Variants in RLIG1 observed in about 807,000 individuals in gnomAD.
The protein encoded by RLIG1 is RNA 5'-phosphate and 3'-OH ligase 1, also known as RNA ligase 1.
At chr12:88,045,584 T>C in the RLIG1 span, 2 of 1,608,548 alleles carry the variant, frequency 1.2e-6, no homozygotes, top group Non-Finnish European at 1.7e-6. Flanking sequence ...TATGATAGGT[T>C]GGGTACCAGT....
chr12:88,048,543 A>G, the RLIG1 span: 3 of 665,752 alleles, frequency 4.5e-6, no homozygotes, highest in Non-Finnish European at 6.7e-6. Flanking sequence ...TTTGTGAAGA[A>G]ATGAATTTTC....
At chr12:88,035,735 T>G in the RLIG1 span, 1 of 1,596,800 alleles carries the variant, frequency 6.3e-7, no homozygotes. Flanking sequence ...AAAGGGAGCA[T>G]CAGGTACGGA....
the RLIG1 span, chr12:88,048,410 A>G: frequency 2.1e-6 from 3 of 1,405,944 alleles, no homozygotes; most frequent in South Asian, 3.8e-5. Flanking sequence ...AAGATATAAT[A>G]TTTGATGTAT....
chr12:88,042,234 G>A, the RLIG1 span: 1 of 152,118 alleles, frequency 6.6e-6, no homozygotes. Context: ...TGCTGGTCAC[G>A]TAGGTAGGCA....
At chr12:88,043,749 T>C in the RLIG1 span, 1 of 1,425,058 alleles carries the variant, frequency 7.0e-7, no homozygotes, top group Non-Finnish European at 9.8e-7. Flanking sequence ...CAGTTTTGTG[T>C]TTACTAGTAA....
chr12:88,037,511 C>T, the RLIG1 span, among the ~76,000 whole-genome samples: 4 of 152,046 alleles, frequency 2.6e-5, no homozygotes, highest in Middle Eastern at 3.2e-3. Flanking sequence ...GTAATCTTCC[C>T]CCCCACATAG....
At chr12:88,043,501 T>C in the RLIG1 span, 1 of 669,034 alleles carries the variant, frequency 1.5e-6, no homozygotes, top group Non-Finnish European at 2.5e-6. Context: ...CACCTGATAT[T>C]ATGAGGTTTT....
the RLIG1 span, chr12:88,035,569 C>T: frequency 7.0e-6 from 10 of 1,434,176 alleles, no homozygotes; most frequent in Non-Finnish European, 9.6e-6. Flanking sequence ...GTGCGGGTGA[C>T]TGCTTCAGGG....
the RLIG1 span, chr12:88,040,115 C>G: frequency 8.7e-6 from 11 of 1,269,890 alleles, no homozygotes; most frequent in South Asian, 1.2e-5. Flanking sequence ...GGCTATCTAT[C>G]TTAAACCGGT....
the RLIG1 span, chr12:88,049,074 A>G: frequency 3.4e-6 from 2 of 583,588 alleles, no homozygotes; most frequent in African/African-American, 2.0e-5. Flanking sequence ...GTATAAAGGT[A>G]CAAGGTAGTG....
the RLIG1 span, chr12:88,045,463 C>T: frequency 1.4e-6 from 1 of 700,810 alleles, no homozygotes. Context: ...AAAGTAATAT[C>T]TCTTTGCGAT....
the RLIG1 span, among the ~76,000 whole-genome samples, chr12:88,043,360 T>C: frequency 2.0e-5 from 3 of 152,262 alleles, no homozygotes; most frequent in South Asian, 2.1e-4. Flanking sequence ...TAATGGAATA[T>C]GATTACTTTA....
chr12:88,043,023 A>G, the RLIG1 span: 15 of 534,274 alleles, frequency 2.8e-5, no homozygotes, highest in Non-Finnish European at 4.6e-5. Context: ...AATTTAAGCA[A>G]TTTAGGAAAA....
the RLIG1 span, among the ~76,000 whole-genome samples, chr12:88,038,044 CA>C: frequency 1.3e-5 from 2 of 151,870 alleles, no homozygotes; most frequent in African/African-American, 4.8e-5. Flanking sequence ...AAAGGAAAAA[CA>C]AAAGGCAAGT....
the RLIG1 span, chr12:88,048,381 C>T: frequency 1.3e-6 from 2 of 1,569,676 alleles, no homozygotes; most frequent in Non-Finnish European, 1.7e-6. Context: ...AATAGATAAT[C>T]AGAAATTTGT....
At chr12:88,036,883 A>T in the RLIG1 span, among the ~76,000 whole-genome samples, 2 of 151,952 alleles carry the variant, frequency 1.3e-5, no homozygotes, top group African/African-American at 4.8e-5. Context: ...AAACATTATC[A>T]TCTGTTTTAG....
the RLIG1 span, among the ~76,000 whole-genome samples, chr12:88,038,155 A>G: frequency 6.6e-6 from 1 of 152,202 alleles, no homozygotes; most frequent in Non-Finnish European, 1.5e-5. Context: ...AAGACATAGA[A>G]CTAAAATGGT....
the RLIG1 span, chr12:88,042,835 C>T: frequency 4.0e-6 from 6 of 1,507,906 alleles, no homozygotes; most frequent in African/African-American, 7.2e-5. Flanking sequence ...ATCAGCCATA[C>T]CTTTGGGCTC....
chr12:88,048,456 A>AAT, the RLIG1 span: 2 of 1,058,308 alleles, frequency 1.9e-6, no homozygotes, highest in Non-Finnish European at 2.7e-6. Context: ...ATTATATTCT[A>AAT]ATCTTGAATA....
Sources: allele counts gnomAD v4.1 joint callset (sites outside exome capture counted in the v4.1 genomes callset), GRCh38; gene constraint gnomAD v4.1.1; transcripts MANE v1.5; gene names NCBI Gene and HGNC (gene_info 2026-07-23, HGNC 2026-07-21).